The following ANKHD1 variants were observed in gnomAD, a reference collection of about 807,000 sequenced individuals.
ANKHD1 encodes ankyrin repeat and KH domain containing 1.
A neutral mutation model predicts 230.5 loss-of-function variants in ANKHD1; 31 were observed. The observed-to-expected ratio is 0.13, with a 90% CI of 0.10 to 0.18. The LOEUF is 0.18. ANKHD1 is among the 10% of genes least tolerant of loss of function. ANKHD1 has a pLI of 1.00. For missense variants in ANKHD1, 2,256 were observed against 3,071.3 expected, an observed-to-expected ratio of 0.73 and a Z score of 6.27; for synonymous variants, 1,074 against 1,117.6, an observed-to-expected ratio of 0.96 and a Z score of 0.78.
At chr5:140,504,644 G>T in intron 15 of ANKHD1, 177 bp from the exon 16 acceptor site, 1 of 839,930 alleles carries the variant, frequency 1.2e-6, no homozygotes, top group Non-Finnish European at 1.7e-6. Context: ...ACTTGCCCAA[G>T]ATCAGAAAGT....
At chr5:140,419,775 TTTCTTTCTTTCTTTC>T (rs1347374306) in intron 1 of ANKHD1, among the ~76,000 whole-genome samples, 4 of 11,788 alleles carry the variant, frequency 3.4e-4, no homozygotes. Context: ...TTCCTTTCTT[TTTCTTTCTTTCTTTC>T]TTTCTTTCTT....
rs1443903370 is a variant in ANKHD1 at position 140,457,060 on chromosome 5, T to A, written c.1243-1565T>A. 2.0e-5 allele frequency among the ~76,000 whole-genome samples: 3 copies of A among 152,084 alleles called. No homozygotes were observed. In the East Asian group the frequency reaches 5.8e-4, roughly 29 times the overall value. On this transcript the variant is annotated intron_variant, in intron 7 of 33. Coordinates refer to ENST00000360839, the MANE Select transcript of ANKHD1 (RefSeq NM_017747.3). Reference sequence around the variant, plus strand: ...TGGACAAAGGATATGAACAGACACTTCTCAAAAGAAGACATTTATGCAGCC... The same window carrying A: ...TGGACAAAGGATATGAACAGACACTACTCAAAAGAAGACATTTATGCAGCC...
chr5:140,424,219 TAG>T (rs146480393), intron 1 of ANKHD1, among the ~76,000 whole-genome samples: 29,538 of 149,310 alleles, frequency 0.2, 3,224 homozygotes, highest in South Asian at 0.26. Flanking sequence ...TATATATATA[TAG>T]AGAGAGAGAG....
rs1288009613 is a variant in ANKHD1 at position 140,419,981 on chromosome 5, C to T, written c.307-16123C>T. 5.5e-4 allele frequency among the ~76,000 whole-genome samples: 21 copies of T among 38,374 alleles called. 1 individual carries two copies. Among genetic ancestry groups the T allele is most frequent in the Non-Finnish European group, 9.5e-4 (19 of 20,056 alleles). The allele number at this position is 38,374 out of a possible 152,430, so 25.2% of individuals were successfully genotyped here. A position where few individuals can be genotyped will look rare whatever the true frequency, so the allele number is the denominator to read the frequency against. On this transcript the variant is annotated intron_variant, in intron 1 of 33. Transcript: ENST00000360839. ...CTCCCCTCCCCTCCCCTCCCCTCTCCTCCCCTCCGCTCCTCCTCCCCTCCC... is the reference window on the plus strand; with the variant it reads ...CTCCCCTCCCCTCCCCTCCCCTCTCTTCCCCTCCGCTCCTCCTCCCCTCCC...
chr5:140,425,919 G>T (rs1159552620), intron 1 of ANKHD1, among the ~76,000 whole-genome samples: 1 of 152,108 alleles, frequency 6.6e-6, no homozygotes, highest in Admixed American at 6.5e-5. Context: ...CCTTTTTGCT[G>T]TTCTGAGTAG....
At chr5:140,461,676 A>G (rs1054747674) in intron 9 of ANKHD1, among the ~76,000 whole-genome samples, 1 of 152,162 alleles carries the variant, frequency 6.6e-6, no homozygotes. Flanking sequence ...TTTATTTAAA[A>G]GAAACATTTT....
intron 29 of ANKHD1, among the ~76,000 whole-genome samples, chr5:140,532,550 C>T (rs1217701046): frequency 1.3e-5 from 2 of 152,242 alleles, no homozygotes; most frequent in African/African-American, 4.8e-5. Flanking sequence ...AATTATTCTA[C>T]CTTGGCATCC....
At chr5:140,518,323 G>A (rs1753144952) in intron 24 of ANKHD1, among the ~76,000 whole-genome samples, 1 of 152,100 alleles carries the variant, frequency 6.6e-6, no homozygotes, top group Non-Finnish European at 1.5e-5. Flanking sequence ...AAGAGTCCAA[G>A]ACCAGATGGA....
rs775728319 is a variant in ANKHD1, at chr5:140,459,185, C to T, written c.1502C>T (p.Thr501Ile). 3.8e-6 allele frequency: 6 copies of T among 1,591,598 alleles called. No individual in the cohort carries two copies. In the East Asian group the frequency reaches 1.3e-4, roughly 36 times the overall value. ...CTAGGAGCAAATATAAATGCCCAGA[C>T]AGAAGAAACTCAAGAAACTGCTCTT... ...LAQGANINAQ[T>I]EETQETALTL... The change falls in exon 9 of 34, where the codon ACA becomes ATA. Residue 501 changes from threonine (T) to isoleucine (I), a missense_variant. Transcript: ENST00000360839.
At chr5:140,476,863 A>G (rs1488726230) in intron 10 of ANKHD1, among the ~76,000 whole-genome samples, 1 of 151,808 alleles carries the variant, frequency 6.6e-6, no homozygotes, top group African/African-American at 2.4e-5. Flanking sequence ...CTAGAAAACA[A>G]TAGCAGGAAA....
At chr5:140,469,423 C>G (rs1244838033) in intron 10 of ANKHD1, among the ~76,000 whole-genome samples, 1 of 151,116 alleles carries the variant, frequency 6.6e-6, no homozygotes, top group African/African-American at 2.4e-5. Flanking sequence ...AGGTGGATTG[C>G]TTGAGCCCAG....
At chr5:140,461,877 G>T (rs574841272) in intron 9 of ANKHD1, among the ~76,000 whole-genome samples, 2 of 152,124 alleles carry the variant, frequency 1.3e-5, no homozygotes, top group African/African-American at 4.8e-5. Context: ...TTATAAATCT[G>T]TATGTATGTG....
rs372208997 is a variant in ANKHD1 at position 140,528,220 on chromosome 5, A to G, written c.5274A>G (p.Leu1758=). The change falls in exon 29 of 34, where the codon CTA becomes CTG. Residue 1758 remains leucine, a synonymous_variant. Coordinates refer to ENST00000360839, the MANE Select transcript of ANKHD1 (RefSeq NM_017747.3). ...GTESTRYAVQ[L]INALIQDPAK... ...AATCAACAAGATATGCAGTTCAACTAATCAATGCACTCATTCAAGATCCTG... is the reference window on the plus strand; with the variant it reads ...AATCAACAAGATATGCAGTTCAACTGATCAATGCACTCATTCAAGATCCTG... 3.7e-6 allele frequency: 6 copies of G among 1,612,348 alleles called. No homozygotes were observed. The African/African-American group carries it at 8.1e-5, about 22-fold the overall frequency.
chr5:140,529,062 C>G lies in ANKHD1; in HGVS notation c.6116C>G (p.Ala2039Gly). 6.2e-7 allele frequency: 1 copy of G among 1,614,042 alleles called. No homozygotes were observed. The highest frequency in any genetic ancestry group is 1.3e-5 in the African/African-American group (1 of 75,050). ...EKVSTQDQPM[A>G]NLCTPSSTAN... ...GTGTCCACACAGGACCAGCCCATGG[C>G]AAACCTATGTACCCCATCTTCAACT... is the stretch of plus-strand genomic sequence containing the variant. The change falls in exon 29 of 34, where the codon GCA becomes GGA. Residue 2039 changes from alanine (A) to glycine (G), a missense_variant. Physicochemically the swap from Ala to Gly is moderately conservative, Grantham distance 60. Coordinates refer to ENST00000360839, the MANE Select transcript of ANKHD1 (RefSeq NM_017747.3).
In ANKHD1 at chr5:140,482,584, A is replaced by G; in HGVS notation, c.1787A>G (p.His596Arg). ...VLLQAGADLE[H>R]ESEGGRTPLM... is the part of the protein sequence containing the mutation. ...TTTTTTCCATTTCTTTAACAGGAACATGAATCTGAAGGTGGAAGAACACCT... is the reference window on the plus strand; with the variant it reads ...TTTTTTCCATTTCTTTAACAGGAACGTGAATCTGAAGGTGGAAGAACACCT... The change falls in exon 11 of 34, where the codon CAT (histidine) becomes CGT (arginine). Residue 596 changes from histidine to arginine, a missense_variant. Physicochemically the swap from His to Arg is conservative, Grantham distance 29 (BLOSUM62 0). This residue lies in a region of ANKHD1 where 179 missense variants were observed against 261.8 expected (regional missense o/e 0.68). Coordinates refer to ENST00000360839, the MANE Select transcript of ANKHD1 (RefSeq NM_017747.3). 1 of 1,612,606 alleles carries G rather than the reference A, an allele frequency of 6.2e-7. No homozygotes were observed. The highest frequency in any genetic ancestry group is 8.5e-7 in the Non-Finnish European group (1 of 1,179,376).
At chr5:140,444,650 A>G (rs762841281) in intron 5 of ANKHD1, among the ~76,000 whole-genome samples, 28 of 152,194 alleles carry the variant, frequency 1.8e-4, no homozygotes, top group Non-Finnish European at 2.8e-4. Flanking sequence ...GCTTTTTAAA[A>G]AAACAAACAA....
intron 14 of ANKHD1, among the ~76,000 whole-genome samples, chr5:140,491,043 TTCTTATAAAA>T (rs1297351585): frequency 6.8e-6 from 1 of 146,654 alleles, no homozygotes; most frequent in Non-Finnish European, 1.5e-5. Context: ...TTCTTATAAA[TTCTTATAAAA>T]TATTTATTTT....
intron 14 of ANKHD1, among the ~76,000 whole-genome samples, chr5:140,494,357 T>C (rs940094925): frequency 5.9e-5 from 9 of 152,106 alleles, no homozygotes; most frequent in African/African-American, 1.9e-4. Context: ...GAAAGAAATA[T>C]AAATTGAGGA....
chr5:140,404,062 G>C lies in ANKHD1; in HGVS notation c.306+1789G>C, dbSNP rs182891952. Among the ~76,000 whole-genome samples the C allele has an allele frequency of 2.0e-5, 3 of 152,268 alleles. No individual in the cohort carries two copies. The East Asian group carries it at 5.8e-4, about 29-fold the overall frequency. Reference sequence around the variant, plus strand: ...GAATGTCTACGTCTTTGAATTTCACGGTAAGGGAAATAACTTCTAAGCCAA... The same window carrying C: ...GAATGTCTACGTCTTTGAATTTCACCGTAAGGGAAATAACTTCTAAGCCAA... On this transcript the variant is annotated intron_variant, in intron 1 of 33. Transcript: ENST00000360839.
Sources: gnomAD v4.1 joint callset for allele counts (sites outside exome capture counted in the v4.1 genomes callset) on GRCh38, gnomAD v4.1.1 for gene constraint, gnomAD v4.1.1 regional missense constraint, MANE v1.5 for transcripts, NCBI Gene and HGNC (gene_info 2026-07-23, HGNC 2026-07-21) for gene names.